The following FAM3B variants were observed in gnomAD, a reference collection of about 807,000 sequenced individuals.
FAM3B encodes FAM3 metabolism regulating signaling molecule B.
In FAM3B, 29 loss-of-function variants were observed where a neutral mutation model predicts 28.4. The ratio of observed to expected loss-of-function variants is 1.02; its 90% CI spans 0.76 to 1.39. The LOEUF (loss-of-function observed/expected upper bound fraction) is 1.39. Among genes scored for constraint, FAM3B ranks in the 40% most tolerant of loss-of-function variants. The probability of loss-of-function intolerance (pLI) is 0.00; values close to 1 mark genes in which losing one functional copy is unlikely to be tolerated. For synonymous variants in FAM3B, 91 were observed against 103.0 expected, an observed-to-expected ratio of 0.88 and a Z score of 0.71; for missense variants, 266 against 293.9, an observed-to-expected ratio of 0.91 and a Z score of 0.69.
chr21:41,328,374 T>C (rs540862508), intron 2 of FAM3B, among the ~76,000 whole-genome samples: 1 of 152,060 alleles, frequency 6.6e-6, no homozygotes, highest in South Asian at 2.1e-4. Flanking sequence ...AATTATTAAA[T>C]TGAAAAAAGG....
chr21:41,344,444 T>C, intron 3 of FAM3B, 32 bp from the exon 4 acceptor site: 1 of 1,608,526 alleles, frequency 6.2e-7, no homozygotes, highest in Admixed American at 1.7e-5. Flanking sequence ...GCACGCCTCT[T>C]GGTACTTGAC....
rs111582290 is a variant in FAM3B at position 41,322,811 on chromosome 21, G to A, written c.20-112G>A. ...CTCCCAGGAGCACAGTGCCTATAGCGCAGTCCCCTGACACTGGGCCGGGAT... is the reference window on the plus strand; with the variant it reads ...CTCCCAGGAGCACAGTGCCTATAGCACAGTCCCCTGACACTGGGCCGGGAT... On this transcript the variant is annotated intron_variant, in intron 1 of 7. Coordinates refer to ENST00000357985, the MANE Select transcript of FAM3B (RefSeq NM_058186.4). 8.5e-6 allele frequency: 13 copies of A among 1,533,424 alleles called. No individual in the cohort carries two copies. In the East Asian group the frequency reaches 1.6e-4, roughly 19 times the overall value. 95.0% of individuals were successfully genotyped at this position (1,533,424 alleles called of 1,614,324 possible).
chr21:41,315,469 TAA>T (rs71909286), upstream of FAM3B, among the ~76,000 whole-genome samples: 20,762 of 152,086 alleles, frequency 0.14, 1,582 homozygotes, highest in Admixed American at 0.22. Flanking sequence ...AACCCAGAGA[TAA>T]AAGCCTTACC....
At chr21:41,338,892 G>A (rs1036818675) in intron 3 of FAM3B, among the ~76,000 whole-genome samples, 1 of 152,158 alleles carries the variant, frequency 6.6e-6, no homozygotes, top group African/African-American at 2.4e-5. Context: ...AGCCTCAGGG[G>A]TGTTCGGGGC....
intron 3 of FAM3B, 88 bp downstream of exon 3, chr21:41,338,589 C>T (rs2088976880): frequency 6.5e-7 from 1 of 1,533,612 alleles, no homozygotes; most frequent in Non-Finnish European, 8.8e-7. Context: ...GTTCTGCCCA[C>T]AGGAGAGAAC....
chr21:41,341,377 G>T (rs895166343), intron 3 of FAM3B, among the ~76,000 whole-genome samples: 1 of 152,146 alleles, frequency 6.6e-6, no homozygotes, highest in Non-Finnish European at 1.5e-5. Flanking sequence ...CCACCATCCT[G>T]GCTAAGAAAT....
intron 4 of FAM3B, among the ~76,000 whole-genome samples, chr21:41,344,821 G>A (rs1324750369): frequency 2.0e-5 from 3 of 152,172 alleles, no homozygotes; most frequent in Admixed American, 6.5e-5. Context: ...GCCGCCAAGG[G>A]GGTGCAGCCT....
chr21:41,324,769 G>A (rs2088841164), intron 2 of FAM3B, among the ~76,000 whole-genome samples: 1 of 152,134 alleles, frequency 6.6e-6, no homozygotes, highest in Non-Finnish European at 1.5e-5. Context: ...TTAGGAAACT[G>A]AACAAAGAAA....
chr21:41,310,986 A>T (rs1646666511), intron 1 of FAM3B, among the ~76,000 whole-genome samples: 1 of 151,600 alleles, frequency 6.6e-6, no homozygotes, highest in South Asian at 2.1e-4. Flanking sequence ...TTGGTGAGGA[A>T]CCTTGATTGA....
At chr21:41,333,049 T>G (rs1334699536) in intron 2 of FAM3B, among the ~76,000 whole-genome samples, 1 of 152,040 alleles carries the variant, frequency 6.6e-6, no homozygotes, top group Non-Finnish European at 1.5e-5. Context: ...GACCTTTTTT[T>G]AATGTACGCA....
chr21:41,318,792 G>A (rs1387225917), intron 1 of FAM3B, among the ~76,000 whole-genome samples: 1 of 152,200 alleles, frequency 6.6e-6, no homozygotes, highest in Non-Finnish European at 1.5e-5. Context: ...CTTTTTAGGT[G>A]GCCCTTGGAC....
intron 6 of FAM3B, 144 bp downstream of exon 6, chr21:41,347,244 C>A: frequency 2.8e-6 from 2 of 707,416 alleles, no homozygotes; most frequent in Non-Finnish European, 5.0e-6. Flanking sequence ...AATGAAAGAT[C>A]ATGACAAAAT....
intron 3 of FAM3B, among the ~76,000 whole-genome samples, chr21:41,341,769 A>G (rs1188922802): frequency 6.6e-6 from 1 of 152,242 alleles, no homozygotes; most frequent in Non-Finnish European, 1.5e-5. Flanking sequence ...TGGGGTTATT[A>G]TGAACAGTGC....
intron 2 of FAM3B, among the ~76,000 whole-genome samples, chr21:41,332,981 C>T (rs1336054033): frequency 6.6e-6 from 1 of 151,266 alleles, no homozygotes. Context: ...TAACTTTGGG[C>T]TTAGTTTGTT....
At chr21:41,344,437 C>T (rs772366065) in intron 3 of FAM3B, 39 bp from the exon 4 acceptor site, 6 of 1,592,170 alleles carry the variant, frequency 3.8e-6, no homozygotes, top group African/African-American at 2.7e-5. Context: ...GAGAGTCGCA[C>T]GCCTCTTGGT....
intron 7 of FAM3B, among the ~76,000 whole-genome samples, chr21:41,350,036 C>T (rs1242823320): frequency 5.3e-5 from 8 of 152,192 alleles, no homozygotes; most frequent in African/African-American, 1.9e-4. Context: ...GGTGGGGCTC[C>T]TTGGGCCCCA....
At chr21:41,322,488 C>A in intron 1 of FAM3B, 1 of 674,582 alleles carries the variant, frequency 1.5e-6, no homozygotes, top group Non-Finnish European at 2.8e-6. Context: ...ATCAACAAAA[C>A]AGACAGAGCT....
At chr21:41,348,492 C>A in intron 6 of FAM3B, 100 bp from the exon 7 acceptor site, 2 of 1,397,534 alleles carry the variant, frequency 1.4e-6, no homozygotes. Flanking sequence ...TGTTTAGAAA[C>A]CTCCATCCAA....
At chr21:41,331,348 G>C (rs1019639134) in intron 2 of FAM3B, among the ~76,000 whole-genome samples, 1 of 152,176 alleles carries the variant, frequency 6.6e-6, no homozygotes, top group African/African-American at 2.4e-5. Flanking sequence ...TCACTTATCA[G>C]ATTTACACTT....
Sources: gnomAD v4.1 joint callset for allele counts (sites outside exome capture counted in the v4.1 genomes callset) on GRCh38, gnomAD v4.1.1 for gene constraint, MANE v1.5 for transcripts, NCBI Gene and HGNC (gene_info 2026-07-23, HGNC 2026-07-21) for gene names.